STAU2: variants seen among roughly 807,000 people sequenced by gnomAD.
The protein encoded by STAU2 is double-stranded RNA-binding protein Staufen homolog 2.
A neutral mutation model predicts 65.9 loss-of-function variants in STAU2; 20 were observed. That is an observed-to-expected ratio of 0.30 (90% CI 0.21 to 0.44). The LOEUF (loss-of-function observed/expected upper bound fraction) is 0.44. STAU2 is among the 20% of genes least tolerant of loss of function. The pLI, the probability that STAU2 is intolerant of heterozygous loss-of-function variation, is 1.00. For synonymous variants in STAU2, 232 were observed against 233.9 expected (o/e 0.99, Z 0.07); for missense variants, 558 against 683.9 (o/e 0.82, Z 2.05).
At chr8:73,567,034 C>G (rs557178788) in intron 12 of STAU2, among the ~76,000 whole-genome samples, 1 of 152,158 alleles carries the variant, frequency 6.6e-6, no homozygotes, top group Non-Finnish European at 1.5e-5. Context: ...AACAATACCA[C>G]GCTGAGAATC....
chr8:73,673,069 A>G (rs1563497439), intron 6 of STAU2, 38 bp downstream of exon 6: 1 of 1,489,232 alleles, frequency 6.7e-7, no homozygotes, highest in East Asian at 2.3e-5. Flanking sequence ...CATGGATAAA[A>G]TAATAATTAA....
At chr8:73,689,095 G>A (rs933306753) in intron 4 of STAU2, among the ~76,000 whole-genome samples, 16 of 152,188 alleles carry the variant, frequency 1.1e-4, no homozygotes, top group African/African-American at 3.9e-4. Context: ...GAATCACAAT[G>A]TTAATGTCAT....
intron 7 of STAU2, among the ~76,000 whole-genome samples, chr8:73,616,871 A>G (rs887545047): frequency 2.0e-4 from 31 of 152,230 alleles, no homozygotes; most frequent in Admixed American, 2.0e-3. Flanking sequence ...AAGTCAATCA[A>G]GAAAGTAGCT....
At chr8:73,430,700 T>A (rs573240656) in intron 13 of STAU2, among the ~76,000 whole-genome samples, 95 of 152,338 alleles carry the variant, frequency 6.2e-4, no homozygotes, top group Admixed American at 2.5e-3. Flanking sequence ...TCCACAAAAA[T>A]GTTTTACTAC....
At position 73,746,815 on chromosome 8, in the gene STAU2, A is replaced by T; in HGVS notation, c.-229T>A. 8.1e-7 allele frequency: 1 copy of T among 1,229,700 alleles called. No individual in the cohort carries two copies. Among genetic ancestry groups the T allele is most frequent in the Non-Finnish European group, 1.0e-6 (1 of 985,528 alleles). The allele number at this position is 1,229,700 out of a possible 1,614,324, so 76.2% of individuals were successfully genotyped here. ...CCGGGGACACTTTGCAGACGGCTCC[A>T]ACATTGGCAAACACTACAGAGAACT... On this transcript the variant is annotated 5_prime_UTR_variant, in exon 1 of 15. The change creates a premature stop within an existing upstream ORF in the 5' untranslated region. Coordinates refer to ENST00000524300, the MANE Select transcript of STAU2 (RefSeq NM_001164380.2).
intron 10 of STAU2, among the ~76,000 whole-genome samples, chr8:73,596,107 C>A (rs1172303036): frequency 6.7e-6 from 1 of 149,068 alleles, no homozygotes; most frequent in Non-Finnish European, 1.5e-5. Flanking sequence ...AGCAATACTC[C>A]ATCTTTAAAA....
intron 13 of STAU2, among the ~76,000 whole-genome samples, chr8:73,433,643 G>T (rs1486327980): frequency 6.6e-6 from 1 of 151,618 alleles, no homozygotes; most frequent in Non-Finnish European, 1.5e-5. Flanking sequence ...TGGGATTAGA[G>T]GCGTGCATCA....
chr8:73,467,737 G>A (rs1313436706), intron 13 of STAU2, among the ~76,000 whole-genome samples: 1 of 152,020 alleles, frequency 6.6e-6, no homozygotes, highest in Non-Finnish European at 1.5e-5. Flanking sequence ...AACAGATCTG[G>A]TATTAGAAAA....
rs371592145 is a variant in STAU2 at position 73,615,565 on chromosome 8, T to C, written c.678+110A>G. 182 of 755,964 alleles carry C rather than the reference T, an allele frequency of 2.4e-4. 4 individuals carry two copies. Among genetic ancestry groups the C allele is most frequent in the South Asian group, 1.3e-3 (75 of 58,944 alleles). The allele number at this position is 755,964 out of a possible 1,614,324, so 46.8% of individuals were successfully genotyped here. ...TTTCATAATACTGGGTTTGAACATA[T>C]AGAAGCACACTAACTCTTGCAGGAT... On this transcript the variant is annotated intron_variant, in intron 8 of 14. Transcript: ENST00000524300.
chr8:73,674,755 C>T (rs949654528), intron 5 of STAU2, among the ~76,000 whole-genome samples: 2 of 150,576 alleles, frequency 1.3e-5, no homozygotes, highest in Admixed American at 6.6e-5. Context: ...ATGTCAGAAA[C>T]AAAGGTTTTT....
At chr8:73,503,547 T>C (rs999244516) in intron 13 of STAU2, among the ~76,000 whole-genome samples, 3 of 144,078 alleles carry the variant, frequency 2.1e-5, no homozygotes, top group Non-Finnish European at 4.6e-5. Flanking sequence ...GATTCTTGTT[T>C]AAAATCCAAC....
At chr8:73,549,805 G>A in intron 13 of STAU2, 1 of 984,962 alleles carries the variant, frequency 1.0e-6, no homozygotes, top group Non-Finnish European at 1.2e-6. Flanking sequence ...AGAATTTATT[G>A]TTTTTAAGTT....
At chr8:73,436,834 G>A (rs1164745816) in intron 13 of STAU2, among the ~76,000 whole-genome samples, 3 of 151,904 alleles carry the variant, frequency 2.0e-5, no homozygotes, top group East Asian at 1.9e-4. Flanking sequence ...TGATCTGCCC[G>A]CCTCAACCTC....
At chr8:73,487,665 G>A (rs1000465819) in intron 13 of STAU2, among the ~76,000 whole-genome samples, 5 of 151,968 alleles carry the variant, frequency 3.3e-5, no homozygotes, top group Admixed American at 3.3e-4. Context: ...CATCTTAAGA[G>A]CTTTACATAT....
intron 6 of STAU2, among the ~76,000 whole-genome samples, chr8:73,642,441 T>C (rs1235030194): frequency 6.6e-6 from 1 of 152,076 alleles, no homozygotes; most frequent in Non-Finnish European, 1.5e-5. Context: ...GAGAATCTCT[T>C]GAACCCGGGA....
intron 13 of STAU2, among the ~76,000 whole-genome samples, chr8:73,525,297 T>C (rs901669853): frequency 2.0e-5 from 3 of 152,234 alleles, no homozygotes; most frequent in African/African-American, 4.8e-5. Context: ...CAGTTAGATA[T>C]AGTGAGACCA....
At chr8:73,648,469 T>C (rs934923370) in intron 6 of STAU2, among the ~76,000 whole-genome samples, 6 of 152,224 alleles carry the variant, frequency 3.9e-5, no homozygotes, top group African/African-American at 1.4e-4. Context: ...ATAAAATATA[T>C]ATACCTTGGA....
At chr8:73,529,764 A>T (rs905351396) in intron 13 of STAU2, among the ~76,000 whole-genome samples, 2 of 152,186 alleles carry the variant, frequency 1.3e-5, no homozygotes, top group African/African-American at 4.8e-5. Context: ...ATGAAAGATA[A>T]ATGTAAAGGT....
intron 13 of STAU2, among the ~76,000 whole-genome samples, chr8:73,447,663 G>A (rs911892107): frequency 6.6e-6 from 1 of 152,202 alleles, no homozygotes; most frequent in African/African-American, 2.4e-5. Flanking sequence ...GCATCCCCAA[G>A]GGCCTGGAAG....
Sources: allele counts gnomAD v4.1 joint callset (sites outside exome capture counted in the v4.1 genomes callset), GRCh38; gene constraint gnomAD v4.1.1; transcripts MANE v1.5; gene names NCBI Gene and HGNC (gene_info 2026-07-23, HGNC 2026-07-21).